The following PTPRD variants were observed in gnomAD, a reference collection of about 807,000 sequenced individuals.
PTPRD encodes receptor-type tyrosine-protein phosphatase delta.
A neutral mutation model predicts 214.5 loss-of-function variants in PTPRD; 34 were observed. That is an observed-to-expected ratio of 0.16 (90% CI 0.12 to 0.21). PTPRD has a LOEUF of 0.21. PTPRD is among the 10% of genes least tolerant of loss of function. The pLI, the probability that PTPRD is intolerant of heterozygous loss-of-function variation, is 1.00. For synonymous variants in PTPRD, 1,128 were observed against 845.7 expected (o/e 1.33, Z -5.79); for missense variants, 2,545 against 2,398.7 (o/e 1.06, Z -1.27).
chr9:8,458,922 A>T (rs1591081234), intron 33 of PTPRD, among the ~76,000 whole-genome samples: 1 of 152,124 alleles, frequency 6.6e-6, no homozygotes, highest in African/African-American at 2.4e-5. Context: ...TTCATTCTTT[A>T]TAACTCTAAA....
chr9:10,463,043 A>C (rs1267028068), intron 2 of PTPRD, among the ~76,000 whole-genome samples: 1 of 151,294 alleles, frequency 6.6e-6, no homozygotes, highest in African/African-American at 2.4e-5. Flanking sequence ...TGGTTATCAC[A>C]AATGATGTTT....
chr9:9,206,414 A>T (rs1428273316), intron 9 of PTPRD, among the ~76,000 whole-genome samples: 1 of 152,178 alleles, frequency 6.6e-6, no homozygotes, highest in Non-Finnish European at 1.5e-5. Flanking sequence ...GGGGGAGGCA[A>T]GAGAAATCAG....
intron 3 of PTPRD, 123 bp downstream of exon 3, chr9:10,340,840 T>A (rs2096925727): frequency 6.6e-6 from 1 of 151,972 alleles, no homozygotes; most frequent in Admixed American, 6.6e-5. Flanking sequence ...ATATGTGATT[T>A]AAGCAGGGAT....
chr9:9,415,866 G>C (rs1040505288), intron 8 of PTPRD, among the ~76,000 whole-genome samples: 1 of 152,192 alleles, frequency 6.6e-6, no homozygotes, highest in Non-Finnish European at 1.5e-5. Context: ...GGTTAGTCGG[G>C]TAGGACGGGG....
chr9:9,972,726 C>T (rs1404158862), intron 4 of PTPRD, among the ~76,000 whole-genome samples: 1 of 152,036 alleles, frequency 6.6e-6, no homozygotes, highest in Non-Finnish European at 1.5e-5. Flanking sequence ...ATTTCCTTAC[C>T]TTTTTCAGCT....
intron 11 of PTPRD, among the ~76,000 whole-genome samples, chr9:8,782,668 G>C (rs1599636478): frequency 6.7e-6 from 1 of 149,802 alleles, no homozygotes; most frequent in East Asian, 2.0e-4. Flanking sequence ...CACAATCTCG[G>C]CTCACTGCAA....
intron 10 of PTPRD, among the ~76,000 whole-genome samples, chr9:9,096,545 G>C (rs994330604): frequency 9.3e-4 from 141 of 152,124 alleles, no homozygotes; most frequent in African/African-American, 3.3e-3. Flanking sequence ...ATAAGATATA[G>C]ATTATATTTT....
At chr9:8,831,115 T>A (rs927291827) in intron 11 of PTPRD, among the ~76,000 whole-genome samples, 2 of 152,138 alleles carry the variant, frequency 1.3e-5, no homozygotes, top group African/African-American at 2.4e-5. Flanking sequence ...GCAGACAAGA[T>A]GACTGAGACT....
chr9:9,482,863 A>G (rs1045421412), intron 8 of PTPRD, among the ~76,000 whole-genome samples: 1 of 152,194 alleles, frequency 6.6e-6, no homozygotes, highest in African/African-American at 2.4e-5. Flanking sequence ...GCAAATAAGT[A>G]ATTGCTAAAG....
chr9:9,665,633 A>T (rs953321040), intron 7 of PTPRD, among the ~76,000 whole-genome samples: 1 of 151,778 alleles, frequency 6.6e-6, no homozygotes, highest in Non-Finnish European at 1.5e-5. Flanking sequence ...TTCGAGGTTC[A>T]TTCTCTCTCA....
intron 37 of PTPRD, among the ~76,000 whole-genome samples, chr9:8,385,656 G>A (rs929521054): frequency 2.0e-5 from 3 of 152,140 alleles, no homozygotes; most frequent in African/African-American, 7.2e-5. Flanking sequence ...GAACAATAAG[G>A]AAACGTATCT....
chr9:9,053,116 T>TC (rs2099689563), intron 10 of PTPRD, among the ~76,000 whole-genome samples: 1 of 152,182 alleles, frequency 6.6e-6, no homozygotes, highest in South Asian at 2.1e-4. Context: ...CATATTCATT[T>TC]TTGCTTCCTG....
At chr9:8,940,837 T>C (rs578244108) in intron 11 of PTPRD, among the ~76,000 whole-genome samples, 1 of 137,874 alleles carries the variant, frequency 7.3e-6, no homozygotes, top group Admixed American at 7.3e-5. Context: ...GTGATGATGA[T>C]GATGATGATG....
chr9:8,837,897 A>G (rs1197194210), intron 11 of PTPRD, among the ~76,000 whole-genome samples: 1 of 152,202 alleles, frequency 6.6e-6, no homozygotes, highest in Admixed American at 6.5e-5. Context: ...GAGATTTCCC[A>G]GTATAATAAA....
At chr9:8,891,892 T>C (rs1225980869) in intron 11 of PTPRD, among the ~76,000 whole-genome samples, 2 of 152,216 alleles carry the variant, frequency 1.3e-5, no homozygotes, top group Non-Finnish European at 2.9e-5. Flanking sequence ...TCAACGTCTA[T>C]GTCTCTTGTA....
At chr9:9,916,807 C>A (rs1380289414) in intron 5 of PTPRD, among the ~76,000 whole-genome samples, 1 of 151,882 alleles carries the variant, frequency 6.6e-6, no homozygotes. Flanking sequence ...GGAACATTCT[C>A]CAGGATTGAC....
At chr9:9,343,724 T>C (rs993788822) in intron 9 of PTPRD, among the ~76,000 whole-genome samples, 7 of 140,770 alleles carry the variant, frequency 5.0e-5, no homozygotes, top group African/African-American at 1.9e-4. Context: ...GAGGGAACCC[T>C]TTTTTTTTTT....
At chr9:9,435,836 T>A (rs1353833194) in intron 8 of PTPRD, among the ~76,000 whole-genome samples, 2 of 152,134 alleles carry the variant, frequency 1.3e-5, no homozygotes, top group Non-Finnish European at 2.9e-5. Context: ...AAGTAATATT[T>A]TTACCCATTT....
Position 9,464,527 on chromosome 9 carries a change from C to T in PTPRD, c.-236-67045G>A, listed in dbSNP as rs141089958. Among the ~76,000 whole-genome samples the T allele has an allele frequency of 6.0e-3, 908 of 152,196 alleles. 3 individuals carry two copies. Among genetic ancestry groups the T allele is most frequent in the Non-Finnish European group, 8.0e-3 (546 of 68,018 alleles). ...TTAAAATTAAGGCCTTTCTATGAGTCGCCTGAAGTCTAACACAGCATGAGA... is the reference window on the plus strand; with the variant it reads ...TTAAAATTAAGGCCTTTCTATGAGTTGCCTGAAGTCTAACACAGCATGAGA... On this transcript the variant is annotated intron_variant, in intron 8 of 45. Coordinates refer to ENST00000381196, the MANE Select transcript of PTPRD (RefSeq NM_002839.4).
Sources: gnomAD v4.1 joint callset for allele counts (sites outside exome capture counted in the v4.1 genomes callset) on GRCh38, gnomAD v4.1.1 for gene constraint, MANE v1.5 for transcripts, NCBI Gene and HGNC (gene_info 2026-07-23, HGNC 2026-07-21) for gene names.